The following SPAG16 variants were observed in gnomAD, a reference collection of about 807,000 sequenced individuals.
SPAG16 encodes the protein sperm-associated antigen 16 protein.
A neutral mutation model predicts 80.4 loss-of-function variants in SPAG16; 86 were observed. The ratio of observed to expected loss-of-function variants is 1.07; its 90% confidence interval spans 0.90 to 1.28. SPAG16 has a LOEUF of 1.28. SPAG16 is among the 50% of genes most tolerant of loss of function. The pLI is 0.00. For missense variants in SPAG16, 870 were observed against 765.3 expected (o/e 1.14, Z -1.61); for synonymous variants, 294 against 265.9 (o/e 1.11, Z -1.03).
At chr2:214,121,348 T>C (rs1031906733) in intron 14 of SPAG16, among the ~76,000 whole-genome samples, 13 of 151,822 alleles carry the variant, frequency 8.6e-5, no homozygotes, top group African/African-American at 3.1e-4. Flanking sequence ...CAAACTAAAG[T>C]TATTTAATTA....
chr2:213,919,283 A>G (rs1006550823), intron 11 of SPAG16, among the ~76,000 whole-genome samples: 2 of 151,630 alleles, frequency 1.3e-5, no homozygotes, highest in Admixed American at 6.6e-5. Context: ...TCATATCTCA[A>G]TCTCCTTAGT....
At chr2:213,443,949 T>C (rs570968963) in intron 9 of SPAG16, among the ~76,000 whole-genome samples, 3 of 152,282 alleles carry the variant, frequency 2.0e-5, no homozygotes, top group Non-Finnish European at 2.9e-5. Context: ...TATTAGGCTA[T>C]TTAAAAGCCT....
chr2:214,186,057 A>G (rs2057461129), intron 15 of SPAG16, among the ~76,000 whole-genome samples: 1 of 152,298 alleles, frequency 6.6e-6, no homozygotes, highest in African/African-American at 2.4e-5. Flanking sequence ...TGTTCAAAAA[A>G]TAAAAGTTGA....
At chr2:214,201,880 C>G (rs933525954) in intron 15 of SPAG16, among the ~76,000 whole-genome samples, 3 of 151,962 alleles carry the variant, frequency 2.0e-5, no homozygotes, top group Non-Finnish European at 4.4e-5. Context: ...GGGTCTTGCT[C>G]TGTTGCTCAG....
chr2:213,891,174 G>A (rs961643216), intron 11 of SPAG16, among the ~76,000 whole-genome samples: 21 of 151,802 alleles, frequency 1.4e-4, no homozygotes, highest in East Asian at 3.9e-4. Context: ...TTAATGGGTC[G>A]CTATTAAGAG....
At chr2:213,701,994 A>T (rs921610498) in intron 10 of SPAG16, among the ~76,000 whole-genome samples, 1 of 152,206 alleles carries the variant, frequency 6.6e-6, no homozygotes, top group African/African-American at 2.4e-5. Context: ...TGCACCAATC[A>T]GCACTTTGTG....
chr2:213,948,464 ACT>A (rs1227994375), intron 12 of SPAG16, among the ~76,000 whole-genome samples: 3 of 151,132 alleles, frequency 2.0e-5, no homozygotes, highest in South Asian at 2.1e-4. Context: ...TCTCTCTCTC[ACT>A]CTCTAATTTT....
chr2:213,320,505 TTCTA>T (rs1019351338), intron 5 of SPAG16, among the ~76,000 whole-genome samples: 27 of 151,986 alleles, frequency 1.8e-4, no homozygotes, highest in Admixed American at 1.8e-3. Context: ...AAGTTAACCC[TTCTA>T]TCTAACTGTT....
At chr2:213,762,338 C>A (rs1218870851) in intron 10 of SPAG16, among the ~76,000 whole-genome samples, 1 of 152,058 alleles carries the variant, frequency 6.6e-6, no homozygotes, top group Non-Finnish European at 1.5e-5. Context: ...CTGAACTGTA[C>A]ACTTAAAATA....
intron 15 of SPAG16, among the ~76,000 whole-genome samples, chr2:214,374,966 T>C (rs1353689196): frequency 6.6e-6 from 1 of 152,186 alleles, no homozygotes; most frequent in African/African-American, 2.4e-5. Flanking sequence ...TAGTATCTTG[T>C]AGAAAGATCA....
chr2:214,065,622 C>T (rs913434355), intron 13 of SPAG16, among the ~76,000 whole-genome samples: 1 of 152,218 alleles, frequency 6.6e-6, no homozygotes, highest in African/African-American at 2.4e-5. Context: ...CAGGCTATTC[C>T]ATAGTATGCC....
At chr2:214,233,902 G>A (rs552753752) in intron 15 of SPAG16, among the ~76,000 whole-genome samples, 3 of 151,970 alleles carry the variant, frequency 2.0e-5, no homozygotes, top group Admixed American at 6.6e-5. Context: ...ATTATTTTGA[G>A]TTCAGGGGTA....
chr2:214,067,077 C>T (rs1430395735), intron 13 of SPAG16, among the ~76,000 whole-genome samples: 2 of 152,118 alleles, frequency 1.3e-5, no homozygotes, highest in African/African-American at 4.8e-5. Flanking sequence ...GCAATCAATT[C>T]CCACGCTTTC....
chr2:214,067,706 C>T (rs539492313), intron 13 of SPAG16, among the ~76,000 whole-genome samples: 93 of 151,504 alleles, frequency 6.1e-4, no homozygotes, highest in Admixed American at 5.7e-3. Context: ...GATGTGAATA[C>T]ATCCGGGTCT....
chr2:213,582,741 A>C (rs1182156777), intron 10 of SPAG16, among the ~76,000 whole-genome samples: 2 of 152,144 alleles, frequency 1.3e-5, no homozygotes, highest in Admixed American at 1.3e-4. Context: ...GAAGAGAAGG[A>C]ACTTAGGTTA....
At chr2:213,678,450 C>T (rs1026874898) in intron 10 of SPAG16, among the ~76,000 whole-genome samples, 2 of 151,992 alleles carry the variant, frequency 1.3e-5, no homozygotes, top group Non-Finnish European at 2.9e-5. Context: ...ACCACCGATC[C>T]CACAGAAATA....
chr2:213,867,860 C>T (rs532411819), intron 11 of SPAG16, among the ~76,000 whole-genome samples: 2 of 131,322 alleles, frequency 1.5e-5, no homozygotes, highest in East Asian at 2.4e-4. Context: ...GGAGGTGGAG[C>T]GTGCAGTGAG....
At chr2:213,618,853 T>G (rs2061682324) in intron 10 of SPAG16, among the ~76,000 whole-genome samples, 1 of 152,200 alleles carries the variant, frequency 6.6e-6, no homozygotes. Flanking sequence ...TAAATTTTCT[T>G]TCCAGATTCC....
chr2:213,476,417 C>T (rs1166083758), intron 9 of SPAG16, among the ~76,000 whole-genome samples: 1 of 152,154 alleles, frequency 6.6e-6, no homozygotes, highest in Non-Finnish European at 1.5e-5. Context: ...TGAACATTTC[C>T]AACACCCGAG....
Sources: gnomAD v4.1 joint callset for allele counts (sites outside exome capture counted in the v4.1 genomes callset) on GRCh38, gnomAD v4.1.1 for gene constraint, MANE v1.5 for transcripts, NCBI Gene and HGNC (gene_info 2026-07-23, HGNC 2026-07-21) for gene names.